The following SULT6B1 variants were observed in gnomAD, a reference collection of about 807,000 sequenced individuals.
SULT6B1 encodes sulfotransferase 6B1.
In SULT6B1, 44 loss-of-function variants were observed where a neutral mutation model predicts 37.2. The ratio of observed to expected loss-of-function variants is 1.18; its 90% CI spans 0.93 to 1.52. The LOEUF (loss-of-function observed/expected upper bound fraction) is 1.52, where lower values mean the gene tolerates loss of function less well. SULT6B1 is among the 40% of genes most tolerant of loss of function. The probability of loss-of-function intolerance (pLI) is 0.00; values close to 1 mark genes in which losing one functional copy is unlikely to be tolerated. For missense variants in SULT6B1, 450 were observed against 361.0 expected, an observed-to-expected ratio of 1.25 and a Z score of -2.00; for synonymous variants, 140 against 126.0, an observed-to-expected ratio of 1.11 and a Z score of -0.74.
intron 4 of SULT6B1, among the ~76,000 whole-genome samples, chr2:37,176,463 T>C (rs903951115): frequency 2.0e-5 from 3 of 152,020 alleles, no homozygotes. Context: ...TTTCACCATA[T>C]TGGTCAGGCT....
upstream of SULT6B1, among the ~76,000 whole-genome samples, chr2:37,189,393 T>A (rs1437235821): frequency 6.6e-6 from 1 of 152,134 alleles, no homozygotes; most frequent in East Asian, 1.9e-4. Flanking sequence ...AGTGGAAGTT[T>A]ATTAAAAGCT....
rs1175448591 is a variant in SULT6B1 at position 37,171,465 on chromosome 2, G to C, written c.750C>G (p.His250Gln). ...GGAAAAGGAATGGGCCGACAGCACC[G>C]TGTGTGTCCTGAGACTTCGCACGCA... ...QAMRAKSQDT[H>Q]GAVGPFLFRK... Residue 250 changes from histidine to glutamine, a missense_variant, in exon 6 of 7, where the codon CAC becomes CAG. His to Gln is a conservative substitution (Grantham distance 24). Coordinates refer to ENST00000535679, the MANE Select transcript of SULT6B1 (RefSeq NM_001367551.1). 3 of 1,613,926 alleles carry C rather than the reference G, an allele frequency of 1.9e-6. No homozygotes were observed. The highest frequency in any genetic ancestry group is 2.7e-5 in the African/African-American group (2 of 74,922).
intron 1 of SULT6B1, chr2:37,194,512 T>C (rs1676852571): frequency 5.2e-6 from 2 of 384,232 alleles, no homozygotes; most frequent in Admixed American, 3.0e-5. Flanking sequence ...CATTCCTTAT[T>C]CCTTTGGCAA....
intron 4 of SULT6B1, among the ~76,000 whole-genome samples, chr2:37,175,562 A>T (rs1676407420): frequency 6.6e-6 from 1 of 152,242 alleles, no homozygotes; most frequent in Admixed American, 6.5e-5. Context: ...GACAGAGACA[A>T]TGCCAGAAAG....
At chr2:37,185,545 C>T (rs997897438) in intron 2 of SULT6B1, among the ~76,000 whole-genome samples, 5 of 151,656 alleles carry the variant, frequency 3.3e-5, no homozygotes, top group Non-Finnish European at 5.9e-5. Context: ...GACGAAACCC[C>T]GTCTCTACTA....
chr2:37,176,512 G>A (rs975084585), intron 4 of SULT6B1, among the ~76,000 whole-genome samples: 3 of 151,830 alleles, frequency 2.0e-5, no homozygotes, highest in African/African-American at 4.8e-5. Flanking sequence ...CGCCCGCCTC[G>A]GCCACCCAAA....
intron 5 of SULT6B1, among the ~76,000 whole-genome samples, chr2:37,171,954 G>A (rs991279646): frequency 6.6e-6 from 1 of 151,684 alleles, no homozygotes; most frequent in Non-Finnish European, 1.5e-5. Context: ...ATTCCTATGT[G>A]CTCATTTGAA....
chr2:37,174,291 G>T (rs1676367040), intron 5 of SULT6B1, among the ~76,000 whole-genome samples: 1 of 137,728 alleles, frequency 7.3e-6, no homozygotes, highest in South Asian at 2.3e-4. Context: ...CTGGAGTGTG[G>T]TGGCCTAATC....
chr2:37,189,039 T>C (rs547002458), upstream of SULT6B1, among the ~76,000 whole-genome samples: 8 of 152,318 alleles, frequency 5.3e-5, no homozygotes, highest in Non-Finnish European at 1.2e-4. Flanking sequence ...TTTCCACACA[T>C]ATCCTCTGTG....
intron 2 of SULT6B1, among the ~76,000 whole-genome samples, chr2:37,184,530 G>T (rs1411927399): frequency 6.6e-6 from 1 of 152,208 alleles, no homozygotes; most frequent in Non-Finnish European, 1.5e-5. Flanking sequence ...CACATCTGTA[G>T]CGGTCACTTA....
intron 5 of SULT6B1, among the ~76,000 whole-genome samples, chr2:37,174,485 A>G (rs1329744218): frequency 3.3e-5 from 5 of 152,086 alleles, no homozygotes; most frequent in East Asian, 1.9e-4. Flanking sequence ...GGCATGAACC[A>G]CCACACCAGC....
intron 4 of SULT6B1, among the ~76,000 whole-genome samples, chr2:37,178,483 G>T (rs975288831): frequency 3.3e-5 from 5 of 152,050 alleles, no homozygotes; most frequent in African/African-American, 7.2e-5. Flanking sequence ...TCATCCGCCC[G>T]CCTCGGCCTC....
intron 3 of SULT6B1, 142 bp from the exon 4 acceptor site, chr2:37,179,726 G>GA: frequency 1.5e-6 from 1 of 664,646 alleles, no homozygotes; most frequent in Non-Finnish European, 2.4e-6. Flanking sequence ...GTAGGAAACT[G>GA]AGGAACAGGA....
chr2:37,170,431 C>T (rs529617898), intron 6 of SULT6B1, among the ~76,000 whole-genome samples: 2 of 151,818 alleles, frequency 1.3e-5, no homozygotes, highest in Non-Finnish European at 2.9e-5. Flanking sequence ...CGCACTACCA[C>T]ACTCCAGCCT....
At chr2:37,176,257 T>G (rs543572088) in intron 4 of SULT6B1, among the ~76,000 whole-genome samples, 3 of 128,612 alleles carry the variant, frequency 2.3e-5, no homozygotes, top group Non-Finnish European at 4.7e-5. Flanking sequence ...TAACACGCAA[T>G]AGCTTTTTTT....
At chr2:37,181,222 C>A (rs1322299518) in intron 3 of SULT6B1, among the ~76,000 whole-genome samples, 1 of 152,100 alleles carries the variant, frequency 6.6e-6, no homozygotes, top group Non-Finnish European at 1.5e-5. Flanking sequence ...TAGATTCTTG[C>A]CATTTGAGGG....
At chr2:37,184,323 G>T (rs544986859) in intron 2 of SULT6B1, among the ~76,000 whole-genome samples, 1 of 152,278 alleles carries the variant, frequency 6.6e-6, no homozygotes, top group African/African-American at 2.4e-5. Flanking sequence ...TTACTTAAAT[G>T]TCCGAGAAAT....
At chr2:37,181,705 A>G (rs1676554383) in intron 3 of SULT6B1, among the ~76,000 whole-genome samples, 1 of 151,960 alleles carries the variant, frequency 6.6e-6, no homozygotes, top group Non-Finnish European at 1.5e-5. Context: ...TCTTGCCCTT[A>G]TATTCTTACA....
Position 37,195,630 on chromosome 2 carries a change from A to G in SULT6B1, c.-22+886T>C, listed in dbSNP as rs114481463. ...TGTGGTAAATACCCCTAACTAGACT[A>G]GAACTTCGATGAAGGTAGATCTGTG... On this transcript the variant is annotated intron_variant, in intron 1 of 7. Transcript: ENST00000407963. 4.1e-3 allele frequency among the ~76,000 whole-genome samples: 618 copies of G among 152,318 alleles called. 4 individuals are homozygous for G. Among genetic ancestry groups the G allele is most frequent in the African/African-American group, 0.013 (560 of 41,560 alleles).
Sources: allele counts gnomAD v4.1 joint callset (sites outside exome capture counted in the v4.1 genomes callset), GRCh38; gene constraint gnomAD v4.1.1; transcripts MANE v1.5; gene names NCBI Gene and HGNC (gene_info 2026-07-23, HGNC 2026-07-21).